The following KIF1B variants were observed in gnomAD, a reference collection of about 807,000 sequenced individuals.
KIF1B encodes kinesin-like protein KIF1B.
Under a neutral mutation model 241.9 loss-of-function variants are expected in KIF1B, and 76 were observed. The observed-to-expected ratio is 0.31, with a 90% CI of 0.26 to 0.38. The LOEUF is 0.38. Among genes scored for constraint, KIF1B ranks in the 10% least tolerant of loss-of-function variants. The pLI, the probability that KIF1B is intolerant of heterozygous loss-of-function variation, is 1.00. For synonymous variants in KIF1B, 750 were observed against 796.7 expected, an observed-to-expected ratio of 0.94 and a Z score of 0.99; for missense variants, 1,622 against 2,271.4, an observed-to-expected ratio of 0.71 and a Z score of 5.81.
rs142881321 is a variant in KIF1B at position 10,296,990 on chromosome 1, C to T, written c.1955C>T (p.Thr652Ile). 208 of 1,613,890 alleles carry T rather than the reference C, an allele frequency of 1.3e-4. No homozygotes were observed. Among genetic ancestry groups the T allele is most frequent in the Non-Finnish European group, 1.6e-4 (192 of 1,179,904 alleles). The change falls in exon 21 of 49, where the codon ACC (threonine) becomes ATC (isoleucine). Residue 652 changes from threonine to isoleucine, a missense_variant. This residue lies in a region of KIF1B where 803 missense variants were observed against 1,112.0 expected (regional missense o/e 0.72). Transcript: ENST00000676179. ...CGAGAGAAGACTCCTTCTGCTGAGA[C>T]CCCCTCTGAGCCTGTGGACTGGACA... ...AEREKTPSAE[T>I]PSEPVDWTFA...
At chr1:10,219,096 A>G (rs1291559912) in intron 1 of KIF1B, among the ~76,000 whole-genome samples, 2 of 152,226 alleles carry the variant, frequency 1.3e-5, no homozygotes, top group African/African-American at 4.8e-5. Flanking sequence ...TAGTTTGTCG[A>G]GAGAAACCTT....
chr1:10,229,583 G>C (rs1646951622), intron 1 of KIF1B, among the ~76,000 whole-genome samples: 1 of 151,986 alleles, frequency 6.6e-6, no homozygotes, highest in South Asian at 2.1e-4. Context: ...ACAGCCGGGT[G>C]CGGTGGCTCA....
chr1:10,336,985 T>C, intron 29 of KIF1B, 89 bp from the exon 30 acceptor site: 1 of 1,549,232 alleles, frequency 6.5e-7, no homozygotes, highest in Non-Finnish European at 8.9e-7. Flanking sequence ...CACTATTATT[T>C]GTTGGACAGA....
At chr1:10,304,919 C>A in intron 22 of KIF1B, 1 of 1,307,970 alleles carries the variant, frequency 7.6e-7, no homozygotes, top group Non-Finnish European at 9.8e-7. Flanking sequence ...AATTAATATA[C>A]TTACTTACAC....
At chr1:10,292,220 T>G in intron 17 of KIF1B, 98 bp downstream of exon 17, 1 of 877,904 alleles carries the variant, frequency 1.1e-6, no homozygotes, top group East Asian at 2.4e-5. Flanking sequence ...ACTCTCCCCC[T>G]TATTATCTTG....
At position 10,321,845 on chromosome 1, in the gene KIF1B, A is replaced by G. The variant is rs760313336; in HGVS notation, c.2346A>G (p.Glu782=). 2.5e-6 allele frequency: 4 copies of G among 1,614,032 alleles called. No homozygotes were observed. Among genetic ancestry groups the G allele is most frequent in the African/African-American group, 1.3e-5 (1 of 74,918 alleles). ...YLKEANAISV[E]LKKKVQFQFV... ...AGGAGGCCAATGCCATCAGTGTGGA[A>G]CTGAAAAAGAAGGTATGGAGCAGGA... Residue 782 remains glutamate, a synonymous_variant, in exon 24 of 49, where the codon GAA becomes GAG. Transcript: ENST00000676179.
intron 48 of KIF1B, among the ~76,000 whole-genome samples, chr1:10,376,137 A>C (rs72867438): frequency 0.036 from 5,415 of 152,158 alleles, 115 homozygotes; most frequent in Middle Eastern, 0.13. Flanking sequence ...AATTTAAAAG[A>C]GAGGAAGGAC....
Position 10,313,633 on chromosome 1 carries a change from C to G in KIF1B, c.2116-6410C>G, listed in dbSNP as rs1212816162. ...TGGCGCAATCTCGGCTCACTGCAAG[C>G]TCCGCCTCCTGGGTTCACACCATTC... On this transcript the variant is annotated intron_variant, in intron 22 of 48. Coordinates refer to ENST00000676179, the MANE Select transcript of KIF1B (RefSeq NM_001365951.3). Among the ~76,000 whole-genome samples the G allele has an allele frequency of 3.5e-5, 5 of 144,758 alleles. No individual in the cohort carries two copies. In the Admixed American group the frequency reaches 3.6e-4, roughly 10 times the overall value. 95.0% of individuals were successfully genotyped at this position (144,758 alleles called of 152,430 possible).
chr1:10,290,982 C>T, intron 15 of KIF1B, 100 bp from the exon 16 acceptor site: 7 of 846,712 alleles, frequency 8.3e-6, no homozygotes, highest in Non-Finnish European at 1.4e-5. Context: ...TTAATTCTGG[C>T]CTGTATCCTC....
intron 1 of KIF1B, among the ~76,000 whole-genome samples, chr1:10,224,946 G>C (rs1295134088): frequency 4.6e-5 from 7 of 152,158 alleles, no homozygotes; most frequent in Non-Finnish European, 1.0e-4. Flanking sequence ...TTCCACCTCA[G>C]ATCATCAGGC....
chr1:10,250,369 C>T (rs1359769224), intron 2 of KIF1B, among the ~76,000 whole-genome samples: 3 of 149,334 alleles, frequency 2.0e-5, no homozygotes, highest in African/African-American at 4.9e-5. Context: ...AACGGAGCCT[C>T]GCTCTGTTGC....
At chr1:10,215,017 A>G (rs1452274502) in intron 1 of KIF1B, among the ~76,000 whole-genome samples, 2 of 151,418 alleles carry the variant, frequency 1.3e-5, no homozygotes, top group Non-Finnish European at 2.9e-5. Context: ...TTGTATGTAC[A>G]TAATACTGTA....
In KIF1B at chr1:10,278,131, A is replaced by G. The variant is rs1649214273; in HGVS notation, c.1180+3A>G. The G allele has an allele frequency of 6.2e-7, 1 of 1,613,690 alleles. No homozygotes were observed. The highest frequency in any genetic ancestry group is 8.5e-7 in the Non-Finnish European group (1 of 1,179,652). ...GGGCCTGGGAGATATTATTGATAGT[A>G]AGTGAATTAAGGATCGTTACAAAAT... On this transcript the variant is annotated splice_donor_region_variant and intron_variant, in intron 13 of 48. Coordinates refer to ENST00000676179, the MANE Select transcript of KIF1B (RefSeq NM_001365951.3).
At position 10,313,711 on chromosome 1, in the gene KIF1B, C is replaced by T. The variant is rs375525938; in HGVS notation, c.2116-6332C>T. On this transcript the variant is annotated intron_variant, in intron 22 of 48. Transcript: ENST00000676179. ...GACTACAGGTGCCCACCACCACACC[C>T]GGCTAATTTTTTGTAGTTTTAGTAG... Among the ~76,000 whole-genome samples, 924 of 150,562 alleles carry T rather than the reference C, an allele frequency of 6.1e-3. 39 individuals carry two copies. The highest frequency in any genetic ancestry group is 0.022 in the African/African-American group (868 of 40,286).
Position 10,268,235 on chromosome 1 carries a change from A to G in KIF1B, c.692A>G (p.Asp231Gly), listed in dbSNP as rs1648579580. The G allele has an allele frequency of 1.9e-6, 3 of 1,612,450 alleles. No homozygotes were observed. Among genetic ancestry groups the G allele is most frequent in the South Asian group, 2.2e-5 (2 of 91,046 alleles). The change falls in exon 7 of 49, where the codon GAT becomes GGT. Residue 231 changes from aspartate (D) to glycine (G), a missense_variant. This residue lies in a region of KIF1B where 201 missense variants were observed against 301.2 expected (regional missense o/e 0.67). Transcript: ENST00000676179. ...ATTGTTTTCACCCAGAAGAAACACG[A>G]TAATGAGACCAACCTTTCCACTGAG... Reference protein sequence around the residue: ...FTIVFTQKKHDNETNLSTEKV... With the variant: ...FTIVFTQKKHGNETNLSTEKV...
At chr1:10,286,575 A>G (rs1020275087) in intron 15 of KIF1B, among the ~76,000 whole-genome samples, 2 of 152,248 alleles carry the variant, frequency 1.3e-5, no homozygotes, top group African/African-American at 4.8e-5. Context: ...TGGTGATTCA[A>G]TGGCTTCAAC....
At chr1:10,352,530 C>T (rs1290177743) in intron 37 of KIF1B, 101 bp from the exon 38 acceptor site, 25 of 1,038,492 alleles carry the variant, frequency 2.4e-5, no homozygotes, top group Admixed American at 7.3e-5. Flanking sequence ...CTTCCAGCTC[C>T]TGAACTTACA....
rs750386624 is a variant in KIF1B at position 10,365,609 on chromosome 1, C to G, written c.4713C>G (p.Ile1571Met). The change falls in exon 43 of 49, where the codon ATC becomes ATG. Residue 1571 changes from isoleucine (I) to methionine (M), a missense_variant. This residue lies in a region of KIF1B where 357 missense variants were observed against 409.0 expected (regional missense o/e 0.87). Transcript: ENST00000676179. The surrounding 1 kb of genome is among the most constrained non-coding windows in gnomAD (Gnocchi z 4.0). ...SESSGYDSGD[I>M]ESLVDREKEL... ...GCAGTGGCTATGATTCAGGAGACAT[C>G]GAAAGCCTGGTGGACCGAGAGAAAG... 6.2e-7 allele frequency: 1 copy of G among 1,614,116 alleles called. No individual in the cohort carries two copies. Among genetic ancestry groups the G allele is most frequent in the Non-Finnish European group, 8.5e-7 (1 of 1,180,018 alleles).
Position 10,378,243 on chromosome 1 carries a change from G to C in KIF1B, c.*1656G>C. On this transcript the variant is annotated 3_prime_UTR_variant, in exon 49 of 49. Transcript: ENST00000676179. The stretch of plus-strand genomic sequence containing the variant: ...CCAGGGAGCCCGGGCCCCAGGCTTT[G>C]TTGCGTGTTCCCTGCTCCTCTCCAT... 1 of 706,174 alleles carries C rather than the reference G, an allele frequency of 1.4e-6. No individual in the cohort carries two copies. Among genetic ancestry groups the C allele is most frequent in the East Asian group, 2.7e-5 (1 of 37,190 alleles). 43.7% of individuals were successfully genotyped at this position (706,174 alleles called of 1,614,324 possible).
Sources: allele counts gnomAD v4.1 joint callset (sites outside exome capture counted in the v4.1 genomes callset), GRCh38; gene constraint gnomAD v4.1.1; regional missense constraint gnomAD v4.1.1; non-coding constraint Gnocchi (gnomAD v3.1); transcripts MANE v1.5; gene names NCBI Gene and HGNC (gene_info 2026-07-23, HGNC 2026-07-21).